The following PCDHGB3 variants were observed in gnomAD, a reference collection of about 807,000 sequenced individuals.
PCDHGB3 encodes the protein protocadherin gamma subfamily B, 3.
A neutral mutation model predicts 59.2 loss-of-function variants in PCDHGB3; 40 were observed. That is an observed-to-expected ratio of 0.68 (90% confidence interval 0.52 to 0.88). The LOEUF (loss-of-function observed/expected upper bound fraction) is 0.88. PCDHGB3 is among the 40% of genes least tolerant of loss of function. The probability of loss-of-function intolerance (pLI) is 0.00; values close to 1 mark genes in which losing one functional copy is unlikely to be tolerated. For synonymous variants in PCDHGB3, 581 were observed against 503.6 expected, an observed-to-expected ratio of 1.15 and a Z score of -2.06; for missense variants, 1,309 against 1,187.9, an observed-to-expected ratio of 1.10 and a Z score of -1.50.
At position 141,489,083 on chromosome 5, in the gene PCDHGB3, T is replaced by G; in HGVS notation, c.2416-5724T>G. On this transcript the variant is annotated intron_variant, in intron 1 of 3. Coordinates refer to ENST00000576222, the MANE Select transcript of PCDHGB3 (RefSeq NM_018924.5). This position sits in a 1 kb window ranked among gnomAD's most constrained non-coding sequence, Gnocchi z 4.5. ...CCTCCCCCCTGCCCACCCCCGCCACTCGGTGACTAAGAACTGCTGCAAGCA... is the reference window on the plus strand; with the variant it reads ...CCTCCCCCCTGCCCACCCCCGCCACGCGGTGACTAAGAACTGCTGCAAGCA... The G allele has an allele frequency of 1.2e-5, 2 of 172,008 alleles. No individual in the cohort carries two copies. Among genetic ancestry groups the G allele is most frequent in the Non-Finnish European group, 2.1e-5 (2 of 94,012 alleles). The allele number at this position is 172,008 out of a possible 1,614,324, so 10.7% of individuals were successfully genotyped here. A position where few individuals can be genotyped will look rare whatever the true frequency, so the allele number is the denominator to read the frequency against.
chr5:141,506,372 C>A (rs1243713695), intron 3 of PCDHGB3, among the ~76,000 whole-genome samples: 1 of 151,402 alleles, frequency 6.6e-6, no homozygotes, highest in Non-Finnish European at 1.5e-5. Context: ...TCGCTTGAAC[C>A]TGGGAGGTGG....
At chr5:141,488,139 T>C (rs906194527) in intron 1 of PCDHGB3, among the ~76,000 whole-genome samples, 2 of 152,084 alleles carry the variant, frequency 1.3e-5, no homozygotes, top group Non-Finnish European at 2.9e-5. Context: ...AGGAGAGAAC[T>C]AAAGGAATAG....
chr5:141,472,188 G>C (rs779077950), intron 1 of PCDHGB3, among the ~76,000 whole-genome samples: 4 of 152,168 alleles, frequency 2.6e-5, no homozygotes, highest in Middle Eastern at 3.2e-3. Context: ...ATTGGAATTT[G>C]AATCTTTTTG....
At position 141,434,489 on chromosome 5, in the gene PCDHGB3, C is replaced by G. The variant is rs921000136; in HGVS notation, c.2416-60318C>G. On this transcript the variant is annotated intron_variant, in intron 1 of 3. Coordinates refer to ENST00000576222, the MANE Select transcript of PCDHGB3 (RefSeq NM_018924.5). ...GAATGAGGGCAAGGAACACCTGGCC[C>G]GCCCAGGGCAGAAAACTGCTTAAAG... Among the ~76,000 whole-genome samples, 8 of 152,158 alleles carry G rather than the reference C, an allele frequency of 5.3e-5. 1 individual carries two copies. The highest frequency in any genetic ancestry group is 2.6e-4 in the Admixed American group (4 of 15,284).
At chr5:141,507,680 A>C (rs73794928) in intron 3 of PCDHGB3, among the ~76,000 whole-genome samples, 2,806 of 152,362 alleles carry the variant, frequency 0.018, 91 homozygotes, top group African/African-American at 0.063. Flanking sequence ...GATGTTAAAA[A>C]CAGAAATGAA....
intron 1 of PCDHGB3, chr5:141,426,791 C>T (rs2096960403): frequency 2.2e-6 from 1 of 456,574 alleles, no homozygotes; most frequent in Non-Finnish European, 4.4e-6. Context: ...TCCAGAGTTA[C>T]CAGCTCAGTT....
intron 1 of PCDHGB3, chr5:141,413,959 G>A: frequency 1.9e-6 from 3 of 1,613,372 alleles, no homozygotes; most frequent in Middle Eastern, 3.3e-4. Context: ...TTTGCCTGTG[G>A]GCACTCAGCT....
At chr5:141,416,387 A>T (rs1229066765) in intron 1 of PCDHGB3, 1 of 152,190 alleles carries the variant, frequency 6.6e-6, no homozygotes, top group Admixed American at 6.5e-5. Context: ...AATATTTGGG[A>T]TTCTGCTTTT....
At chr5:141,377,625 G>GT (rs1774202160) in intron 1 of PCDHGB3, 1 of 150,730 alleles carries the variant, frequency 6.6e-6, no homozygotes, top group South Asian at 2.1e-4. Flanking sequence ...AAAAGATTTT[G>GT]TTTTTTCTCA....
At chr5:141,405,767 T>C (rs957910070) in intron 1 of PCDHGB3, among the ~76,000 whole-genome samples, 2 of 152,128 alleles carry the variant, frequency 1.3e-5, no homozygotes, top group African/African-American at 4.8e-5. Flanking sequence ...CGTGAGCCAC[T>C]GCGCCTGGCC....
At chr5:141,375,010 T>G in intron 1 of PCDHGB3, 2 of 1,614,050 alleles carry the variant, frequency 1.2e-6, no homozygotes, top group Non-Finnish European at 1.7e-6. Flanking sequence ...ATCTAGACTA[T>G]GAGGACTCGA....
At chr5:141,415,740 GTTTTTTTTTTTTT>G (rs57426385) in intron 1 of PCDHGB3, 160 of 625,000 alleles carry the variant, frequency 2.6e-4, no homozygotes, top group Middle Eastern at 1.1e-3. Context: ...GTTTATTAAG[GTTTTTTTTTTTTT>G]TTTTTTTTTT....
intron 1 of PCDHGB3, among the ~76,000 whole-genome samples, chr5:141,380,098 C>T (rs1242678914): frequency 1.3e-5 from 2 of 151,806 alleles, no homozygotes; most frequent in African/African-American, 4.8e-5. Context: ...TGGGGTTTTA[C>T]CATGATGGCC....
intron 1 of PCDHGB3, among the ~76,000 whole-genome samples, chr5:141,474,193 A>C (rs2099345142): frequency 6.6e-6 from 1 of 152,256 alleles, no homozygotes. Context: ...TACATTTTTA[A>C]AAGCTGATTT....
chr5:141,505,832 T>G (rs1006398435), intron 3 of PCDHGB3, among the ~76,000 whole-genome samples: 1 of 152,188 alleles, frequency 6.6e-6, no homozygotes, highest in African/African-American at 2.4e-5. Flanking sequence ...AAACCTCAGT[T>G]TCCTCAGCCT....
At chr5:141,437,225 T>C (rs943242286) in intron 1 of PCDHGB3, among the ~76,000 whole-genome samples, 2 of 152,240 alleles carry the variant, frequency 1.3e-5, no homozygotes, top group Admixed American at 1.3e-4. Flanking sequence ...ATTCCAGTCA[T>C]AAAATTATGT....
At chr5:141,408,962 A>G (rs1561716536) in intron 1 of PCDHGB3, 3 of 1,613,638 alleles carry the variant, frequency 1.9e-6, no homozygotes, top group Admixed American at 3.3e-5. Flanking sequence ...TCTTAGTGAA[A>G]ATCTGCCCCC....
Position 141,409,297 on chromosome 5 carries a change from T to TGTGAATG in PCDHGB3, c.2415+36490_2415+36491insGAATGGT, listed in dbSNP as rs774936669. On this transcript the variant is annotated intron_variant, in intron 1 of 3. Transcript: ENST00000576222. ...TGGAGAATTCACCTCCAGGAATGGT[T>TGTGAATG]GTTGCCCTCTTCAAAACACGGGATC... The TGTGAATG allele has an allele frequency of 1.3e-5, 21 of 1,613,888 alleles. No homozygotes were observed. In the African/African-American group the frequency reaches 2.7e-4, roughly 21 times the overall value.
At chr5:141,415,469 C>G (rs1247738517) in intron 1 of PCDHGB3, 1 of 1,614,090 alleles carries the variant, frequency 6.2e-7, no homozygotes, top group Non-Finnish European at 8.5e-7. Context: ...TCTCTCACCG[C>G]GGACTCGCGA....
Sources: gnomAD v4.1 joint callset for allele counts (sites outside exome capture counted in the v4.1 genomes callset) on GRCh38, gnomAD v4.1.1 for gene constraint, Gnocchi (gnomAD v3.1) non-coding constraint, MANE v1.5 for transcripts, NCBI Gene and HGNC (gene_info 2026-07-23, HGNC 2026-07-21) for gene names.